The following CCDC175 variants were observed in gnomAD, a reference collection of about 807,000 sequenced individuals.
The protein encoded by CCDC175 is coiled-coil domain containing 175.
In CCDC175, 100 loss-of-function variants were observed where a neutral mutation model predicts 114.6. That is an observed-to-expected ratio of 0.87 (90% CI 0.74 to 1.03). CCDC175 has a LOEUF of 1.03. Among genes scored for constraint, CCDC175 ranks in the 50% least tolerant of loss-of-function variants. The pLI, the probability that CCDC175 is intolerant of heterozygous loss-of-function variation, is 0.00. For synonymous variants in CCDC175, 306 were observed against 308.7 expected, an observed-to-expected ratio of 0.99 and a Z score of 0.09; for missense variants, 880 against 917.8, an observed-to-expected ratio of 0.96 and a Z score of 0.53.
chr14:59,528,114 T>C (rs374025286), intron 14 of CCDC175, among the ~76,000 whole-genome samples: 156 of 152,240 alleles, frequency 1.0e-3, no homozygotes, highest in African/African-American at 3.1e-3. Flanking sequence ...ATATTCTTGA[T>C]AGTTTAGCTG....
chr14:59,523,774 G>T (rs1352439705), intron 16 of CCDC175, among the ~76,000 whole-genome samples: 2 of 152,278 alleles, frequency 1.3e-5, no homozygotes, highest in East Asian at 1.9e-4. Context: ...CGGATCACAA[G>T]GTCAGGAGAT....
At position 59,527,175 on chromosome 14, in the gene CCDC175, C is replaced by T. The variant is rs188721361; in HGVS notation, c.1763-1G>A. The T allele has an allele frequency of 1.6e-5, 23 of 1,453,962 alleles. No individual in the cohort carries two copies. The highest frequency in any genetic ancestry group is 1.1e-4 in the Admixed American group (4 of 35,832). The allele number at this position is 1,453,962 out of a possible 1,614,324, so 90.1% of individuals were successfully genotyped here. A position where few individuals can be genotyped will look rare whatever the true frequency, so the allele number is the denominator to read the frequency against. ...AGTAAATCTTCCTCCTGTCTTTGTG[C>T]TATTAAAACAAAGAAAAAAATAACT... On this transcript the variant is annotated splice_acceptor_variant, in intron 14 of 19. Transcript: ENST00000537690. LOFTEE classifies it high-confidence loss of function.
intron 9 of CCDC175, among the ~76,000 whole-genome samples, chr14:59,544,216 G>A (rs868386151): frequency 6.6e-6 from 1 of 152,106 alleles, no homozygotes; most frequent in Non-Finnish European, 1.5e-5. Context: ...GCCCAGGCCA[G>A]AGTGCAATGG....
rs938569096 is a variant in CCDC175 at position 59,538,726 on chromosome 14, T to C, written c.1470A>G (p.Arg490=). 6 of 1,536,214 alleles carry C rather than the reference T, an allele frequency of 3.9e-6. No individual in the cohort carries two copies. Among genetic ancestry groups the C allele is most frequent in the Non-Finnish European group, 5.2e-6 (6 of 1,146,504 alleles). ...TTACCTCGTTAAGTAATTCAATTCG[T>C]CTAACTTCTGCATTCTGAATTTTTT... ...ITEKIQNAEV[R]RIELLNETSF... is the part of the protein sequence containing the mutation. Residue 490 remains arginine (R), a synonymous_variant, in exon 12 of 20, where the codon AGA becomes AGG. Coordinates refer to ENST00000537690, the MANE Select transcript of CCDC175 (RefSeq NM_001164399.2).
At chr14:59,514,548 C>A (rs367695754) in intron 17 of CCDC175, among the ~76,000 whole-genome samples, 2 of 152,134 alleles carry the variant, frequency 1.3e-5, no homozygotes, top group African/African-American at 4.8e-5. Context: ...ATTAGATCAA[C>A]TGGAAGAAAG....
At position 59,554,868 on chromosome 14, in the gene CCDC175, T is replaced by G. The variant is rs148376670; in HGVS notation, c.954-3432A>C. On this transcript the variant is annotated intron_variant, in intron 7 of 19. Transcript: ENST00000537690. ...CGCAAATAAACTAGAAAATCTAGAA[T>G]AAATGGATAAATTCCTCGACACATA... Among the ~76,000 whole-genome samples the G allele has an allele frequency of 7.3e-3, 1,105 of 152,084 alleles. 10 individuals are homozygous for G. Among genetic ancestry groups the G allele is most frequent in the African/African-American group, 0.025 (1,037 of 41,542 alleles).
chr14:59,544,147 G>A (rs1435581771), intron 9 of CCDC175, among the ~76,000 whole-genome samples: 2 of 152,064 alleles, frequency 1.3e-5, no homozygotes, highest in Non-Finnish European at 2.9e-5. Flanking sequence ...CTCTCAGCGT[G>A]TGGATTGATA....
chr14:59,540,868 T>A, intron 10 of CCDC175, 122 bp from the exon 11 acceptor site: 1 of 821,446 alleles, frequency 1.2e-6, no homozygotes, highest in Non-Finnish European at 1.9e-6. Context: ...AAAATAAGCC[T>A]TGTGAAACAA....
At chr14:59,543,166 T>C (rs555633289) in intron 10 of CCDC175, among the ~76,000 whole-genome samples, 178 bp downstream of exon 10, 1 of 152,298 alleles carries the variant, frequency 6.6e-6, no homozygotes, top group African/African-American at 2.4e-5. Context: ...AGAACCTGTT[T>C]ATCCTTTCAA....
intron 13 of CCDC175, among the ~76,000 whole-genome samples, chr14:59,533,267 A>T (rs1341392790): frequency 6.6e-6 from 1 of 152,240 alleles, no homozygotes; most frequent in Non-Finnish European, 1.5e-5. Context: ...CCAATGCCAC[A>T]GTTTCCCATG....
chr14:59,572,324 G>A (rs1896886538), intron 3 of CCDC175, among the ~76,000 whole-genome samples: 1 of 152,188 alleles, frequency 6.6e-6, no homozygotes, highest in South Asian at 2.1e-4. Flanking sequence ...AGTGAAGGAA[G>A]CCGGTCATGA....
chr14:59,516,556 C>A (rs1322489743), intron 17 of CCDC175, among the ~76,000 whole-genome samples: 2 of 152,188 alleles, frequency 1.3e-5, no homozygotes, highest in African/African-American at 4.8e-5. Context: ...TGCAAATAAG[C>A]TAGAAAATCT....
At chr14:59,508,838 C>T (rs1346008938) in intron 19 of CCDC175, among the ~76,000 whole-genome samples, 1 of 152,084 alleles carries the variant, frequency 6.6e-6, no homozygotes, top group Non-Finnish European at 1.5e-5. Context: ...CTGCCAGTGC[C>T]TTGATCTTGG....
chr14:59,524,431 A>G (rs1321384417), intron 16 of CCDC175, among the ~76,000 whole-genome samples: 1 of 152,222 alleles, frequency 6.6e-6, no homozygotes, highest in Admixed American at 6.5e-5. Flanking sequence ...AAACGGGCAA[A>G]AGACTTGAAC....
intron 7 of CCDC175, among the ~76,000 whole-genome samples, chr14:59,552,282 T>C (rs577797752): frequency 2.0e-5 from 3 of 152,296 alleles, no homozygotes; most frequent in Non-Finnish European, 2.9e-5. Context: ...TGCAGAGGAA[T>C]GATCAGGCAG....
intron 4 of CCDC175, among the ~76,000 whole-genome samples, chr14:59,565,632 G>A (rs1003909566): frequency 1.4e-4 from 22 of 151,952 alleles, no homozygotes; most frequent in South Asian, 4.2e-4. Flanking sequence ...GCTTGAACCT[G>A]GGAGGCAGAG....
At chr14:59,554,111 C>G (rs564918213) in intron 7 of CCDC175, among the ~76,000 whole-genome samples, 16 of 152,192 alleles carry the variant, frequency 1.1e-4, no homozygotes, top group South Asian at 8.3e-4. Context: ...TGCACCAAGC[C>G]AACCTAATAG....
At chr14:59,574,502 AAATAATCTTT>A (rs1897002991) in intron 2 of CCDC175, among the ~76,000 whole-genome samples, 1 of 152,232 alleles carries the variant, frequency 6.6e-6, no homozygotes, top group African/African-American at 2.4e-5. Flanking sequence ...AACATATGTC[AAATAATCTTT>A]GACCAGTTAT....
chr14:59,545,118 C>A, intron 9 of CCDC175, 45 bp downstream of exon 9: 2 of 1,513,236 alleles, frequency 1.3e-6, no homozygotes, highest in Non-Finnish European at 8.8e-7. Flanking sequence ...GAAAAGCACC[C>A]CATAATGATG....
Sources: allele counts gnomAD v4.1 joint callset (sites outside exome capture counted in the v4.1 genomes callset), GRCh38; gene constraint gnomAD v4.1.1; transcripts MANE v1.5; gene names NCBI Gene and HGNC (gene_info 2026-07-23, HGNC 2026-07-21).